ERO1A: variants seen among roughly 807,000 people sequenced by gnomAD.
ERO1A encodes ERO1-like protein alpha.
In ERO1A, 49 loss-of-function variants were observed where a neutral mutation model predicts 76.9. That is an observed-to-expected ratio of 0.64 (90% CI 0.51 to 0.81). The LOEUF is 0.81. Ranked by LOEUF, ERO1A falls within the 30% of genes least tolerant of loss-of-function variation. The pLI, the probability that ERO1A is intolerant of heterozygous loss-of-function variation, is 0.00. For missense variants in ERO1A, 448 were observed against 542.1 expected (o/e 0.83, Z 1.72); for synonymous variants, 174 against 181.2 (o/e 0.96, Z 0.32).
intron 1 of ERO1A, among the ~76,000 whole-genome samples, chr14:52,684,484 A>G (rs186983505): frequency 1.0e-3 from 155 of 152,276 alleles, no homozygotes; most frequent in African/African-American, 3.7e-3. Flanking sequence ...CTACTTGGGT[A>G]TCTGAGGGGT....
intron 13 of ERO1A, chr14:52,647,145 T>A (rs936762699): frequency 2.0e-4 from 1 of 5,062 alleles, no homozygotes; most frequent in African/African-American, 5.7e-4. Flanking sequence ...CCAGCTAATT[T>A]TTTTTTTTTT....
Position 52,695,447 on chromosome 14 carries a change from A to G in ERO1A, c.35T>C (p.Leu12Pro). 6.5e-7 allele frequency: 1 copy of G among 1,548,990 alleles called. No homozygotes were observed. Among genetic ancestry groups the G allele is most frequent in the Non-Finnish European group, 8.7e-7 (1 of 1,147,514 alleles). The stretch of plus-strand genomic sequence containing the variant: ...CGAGCTGAGCAGCCACACGGCGCCC[A>G]GGAGGCCAAACAAGAATCCCCAGCC... The part of the protein sequence containing the change: ...GRGWGFLFGL[L>P]GAVWLLSSGH... Residue 12 changes from leucine (L) to proline (P), a missense_variant, in exon 1 of 16, where the codon CTG becomes CCG. Leu to Pro is a moderately conservative substitution (Grantham distance 98). Coordinates refer to ENST00000395686, the MANE Select transcript of ERO1A (RefSeq NM_014584.3).
rs1213486386 is a variant in ERO1A at position 52,641,165 on chromosome 14, T to A, written c.*2405A>T. On this transcript the variant is annotated 3_prime_UTR_variant, in exon 16 of 16. Coordinates refer to ENST00000395686, the MANE Select transcript of ERO1A (RefSeq NM_014584.3). ...AAAAGTCAAGTACTAGCTTGTGAATTAAACTGTGGATTTAGAATTAAGATT... is the reference window on the plus strand; with the variant it reads ...AAAAGTCAAGTACTAGCTTGTGAATAAAACTGTGGATTTAGAATTAAGATT... 4 of 152,108 alleles carry A rather than the reference T, an allele frequency of 2.6e-5. No individual in the cohort carries two copies. The highest frequency in any genetic ancestry group is 5.9e-5 in the Non-Finnish European group (4 of 68,022). 9.4% of individuals were successfully genotyped at this position (152,108 alleles called of 1,614,324 possible).
rs2039654939 is a variant in ERO1A, at chr14:52,646,358, T to G, written c.1212+17A>C. On this transcript the variant is annotated intron_variant, in intron 14 of 15. Transcript: ENST00000395686. ...GCAAAGGGTAAATGAGAAATAGGAA[T>G]GACTAAATTTGCTTACCTGAAGCTT... 6.2e-7 allele frequency: 1 copy of G among 1,606,688 alleles called. No homozygotes were observed. Among genetic ancestry groups the G allele is most frequent in the African/African-American group, 1.3e-5 (1 of 74,234 alleles).
At chr14:52,686,451 T>G (rs2041179102) in intron 1 of ERO1A, among the ~76,000 whole-genome samples, 1 of 152,094 alleles carries the variant, frequency 6.6e-6, no homozygotes, top group African/African-American at 2.4e-5. Context: ...CCTATCTCTA[T>G]CCTAATTACA....
chr14:52,641,751 A>G lies in ERO1A; in HGVS notation c.*1819T>C, dbSNP rs1326994056. 1 of 152,234 alleles carries G rather than the reference A, an allele frequency of 6.6e-6. No individual in the cohort carries two copies. The highest frequency in any genetic ancestry group is 1.5e-5 in the Non-Finnish European group (1 of 68,042). 9.4% of individuals were successfully genotyped at this position (152,234 alleles called of 1,614,324 possible). ...CATAGTCTTTTGAGTCTCCAAGAGGATTGACTTAATTAATGGTTTAATGTC... is the reference window on the plus strand; with the variant it reads ...CATAGTCTTTTGAGTCTCCAAGAGGGTTGACTTAATTAATGGTTTAATGTC... On this transcript the variant is annotated 3_prime_UTR_variant, in exon 16 of 16. Coordinates refer to ENST00000395686, the MANE Select transcript of ERO1A (RefSeq NM_014584.3).
At chr14:52,687,102 T>G (rs1227626885) in intron 1 of ERO1A, among the ~76,000 whole-genome samples, 1 of 152,106 alleles carries the variant, frequency 6.6e-6, no homozygotes, top group African/African-American at 2.4e-5. Flanking sequence ...GCAAAGATGG[T>G]GGCAGGACCA....
Position 52,664,168 on chromosome 14 carries a change from T to G in ERO1A, c.630-321A>C, listed in dbSNP as rs925543916. On this transcript the variant is annotated intron_variant, in intron 7 of 15. Coordinates refer to ENST00000395686, the MANE Select transcript of ERO1A (RefSeq NM_014584.3). ...TATATATATTATATATACATATCTA[T>G]GTATATGTGTGTGTGTATGGCACAA... The G allele has an allele frequency of 3.1e-5, 5 of 163,726 alleles. No individual in the cohort carries two copies. In the South Asian group the frequency reaches 9.8e-4, roughly 32 times the overall value. The allele number at this position is 163,726 out of a possible 1,614,324, so 10.1% of individuals were successfully genotyped here. A position where few individuals can be genotyped will look rare whatever the true frequency, so the allele number is the denominator to read the frequency against.
chr14:52,644,817 C>T (rs12880534), intron 15 of ERO1A, among the ~76,000 whole-genome samples: 44,561 of 151,742 alleles, frequency 0.29, 6,583 homozygotes, highest in East Asian at 0.35. Context: ...GCTCTGCTCT[C>T]GATCATGAAA....
chr14:52,684,880 T>C (rs1012498733), intron 1 of ERO1A, among the ~76,000 whole-genome samples: 1 of 152,078 alleles, frequency 6.6e-6, no homozygotes, highest in Non-Finnish European at 1.5e-5. Context: ...GAAAAACATC[T>C]AATAGAACTA....
intron 6 of ERO1A, among the ~76,000 whole-genome samples, chr14:52,669,045 T>C (rs978857103): frequency 6.6e-6 from 1 of 152,136 alleles, no homozygotes; most frequent in Non-Finnish European, 1.5e-5. Context: ...CTATATGATA[T>C]GCTGTTTTCT....
chr14:52,673,357 T>C (rs1318884716), intron 4 of ERO1A, among the ~76,000 whole-genome samples: 4 of 152,244 alleles, frequency 2.6e-5, no homozygotes, highest in African/African-American at 9.6e-5. Flanking sequence ...CCAAAAGTGC[T>C]GGGATTACAG....
intron 14 of ERO1A, 31 bp downstream of exon 14, chr14:52,646,344 A>G (rs369445375): frequency 1.2e-6 from 2 of 1,605,888 alleles, no homozygotes; most frequent in Non-Finnish European, 1.7e-6. Flanking sequence ...CAAAGGGTAA[A>G]TGAGAAATAG....
intron 8 of ERO1A, among the ~76,000 whole-genome samples, chr14:52,663,392 G>A (rs1284180066): frequency 6.6e-6 from 1 of 152,050 alleles, no homozygotes; most frequent in African/African-American, 2.4e-5. Context: ...GAGGTCAGGA[G>A]ATCGAGACCA....
intron 6 of ERO1A, 59 bp from the exon 7 acceptor site, chr14:52,666,554 T>C (rs2139695426): frequency 7.0e-7 from 1 of 1,419,242 alleles, no homozygotes; most frequent in Non-Finnish European, 9.7e-7. Flanking sequence ...AAAAAGCTAC[T>C]ACACAAGACT....
chr14:52,653,458 A>T, intron 11 of ERO1A, 143 bp from the exon 12 acceptor site: 1 of 556,410 alleles, frequency 1.8e-6, no homozygotes, highest in South Asian at 4.4e-5. Flanking sequence ...GGTTTTTCAC[A>T]ATTTAGCCTT....
At chr14:52,658,276 T>C (rs992833980) in intron 9 of ERO1A, 126 bp from the exon 10 acceptor site, 8 of 662,550 alleles carry the variant, frequency 1.2e-5, no homozygotes, top group African/African-American at 7.3e-5. Context: ...AACCTAACGG[T>C]CCAAGTCTTA....
intron 12 of ERO1A, 149 bp from the exon 13 acceptor site, chr14:52,652,457 A>G: frequency 1.7e-6 from 1 of 572,068 alleles, no homozygotes; most frequent in Non-Finnish European, 3.2e-6. Context: ...TCTTATCCTC[A>G]AACCTCAAAT....
chr14:52,694,954 T>C (rs2041498646), intron 1 of ERO1A, among the ~76,000 whole-genome samples: 1 of 152,244 alleles, frequency 6.6e-6, no homozygotes, highest in Admixed American at 6.5e-5. Flanking sequence ...CCAGAAAGGC[T>C]GGCGAAATGC....
Sources: allele counts gnomAD v4.1 joint callset (sites outside exome capture counted in the v4.1 genomes callset), GRCh38; gene constraint gnomAD v4.1.1; transcripts MANE v1.5; gene names NCBI Gene and HGNC (gene_info 2026-07-23, HGNC 2026-07-21).